The following PNLDC1 variants were observed in gnomAD, a reference collection of about 807,000 sequenced individuals.
The protein encoded by PNLDC1 is poly(A)-specific ribonuclease PNLDC1.
A neutral mutation model predicts 82.0 loss-of-function variants in PNLDC1; 70 were observed. The ratio of observed to expected loss-of-function variants is 0.85; its 90% confidence interval spans 0.70 to 1.04. The LOEUF (loss-of-function observed/expected upper bound fraction) is 1.04, where lower values mean the gene tolerates loss of function less well. PNLDC1 is among the 50% of genes least tolerant of loss of function. The probability of loss-of-function intolerance (pLI) is 0.00; values close to 1 mark genes in which losing one functional copy is unlikely to be tolerated. For missense variants in PNLDC1, 631 were observed against 661.1 expected (o/e 0.95, Z 0.50); for synonymous variants, 280 against 249.3 (o/e 1.12, Z -1.16).
intron 11 of PNLDC1, 86 bp downstream of exon 11, chr6:159,811,872 GTTTTTTTGT>G (rs1554273753): frequency 1.0e-6 from 1 of 998,990 alleles, no homozygotes; most frequent in East Asian, 2.5e-5. Context: ...TTTTTCTTGT[GTTTTTTTGT>G]TTTTTTTGTT....
intron 15 of PNLDC1, 69 bp from the exon 16 acceptor site, chr6:159,818,485 CT>C: frequency 4.3e-6 from 6 of 1,388,752 alleles, no homozygotes; most frequent in Non-Finnish European, 6.1e-6. Context: ...TCACCGGATT[CT>C]TGGCTGTGGC....
chr6:159,816,369 G>C (rs1285558793), intron 13 of PNLDC1, among the ~76,000 whole-genome samples, 174 bp from the exon 14 acceptor site: 2 of 151,040 alleles, frequency 1.3e-5, no homozygotes, highest in Non-Finnish European at 2.9e-5. Context: ...TCTGATCTTG[G>C]GGCTTTCTCC....
chr6:159,819,470 G>A lies in PNLDC1; in HGVS notation c.1532+118G>A. On this transcript the variant is annotated intron_variant, in intron 18 of 18. Transcript: ENST00000392167. The surrounding 1 kb of genome is among the most constrained non-coding windows in gnomAD (Gnocchi z 4.6). ...ACTTGCTGGTGTGTGTTGCCAAGGG[G>A]GTTGTGTTGACGAGTGTGGTGCCCT... 1.1e-6 allele frequency: 1 copy of A among 890,216 alleles called. No homozygotes were observed. 55.1% of individuals were successfully genotyped at this position (890,216 alleles called of 1,614,324 possible).
intron 15 of PNLDC1, 77 bp downstream of exon 15, chr6:159,817,228 T>G: frequency 1.6e-6 from 2 of 1,289,140 alleles, no homozygotes. Context: ...AGCCAACACC[T>G]CTCCAGTCCC....
At chr6:159,811,828 A>T (rs1781655137) in intron 11 of PNLDC1, 42 bp downstream of exon 11, 1 of 1,392,044 alleles carries the variant, frequency 7.2e-7, no homozygotes. Flanking sequence ...TGCTTTTTCC[A>T]TACCAGTAAC....
At chr6:159,820,089 A>G (rs1007610395) in intron 18 of PNLDC1, among the ~76,000 whole-genome samples, 1 of 152,160 alleles carries the variant, frequency 6.6e-6, no homozygotes, top group Non-Finnish European at 1.5e-5. Flanking sequence ...GGAGTCAGCG[A>G]CAGACCAGAG....
At chr6:159,820,374 AAGG>A in intron 18 of PNLDC1, 77 bp from the exon 19 acceptor site, 1 of 1,351,488 alleles carries the variant, frequency 7.4e-7, no homozygotes, top group African/African-American at 1.4e-5. Flanking sequence ...CGGGGCTGGG[AAGG>A]AGGAGGGGCA....
chr6:159,809,353 C>A (rs1426777574), intron 9 of PNLDC1, among the ~76,000 whole-genome samples, 195 bp downstream of exon 9: 2 of 152,088 alleles, frequency 1.3e-5, no homozygotes, highest in African/African-American at 4.8e-5. Context: ...GGCATGAACA[C>A]GGTTCACTGC....
rs1554273348 is a variant in PNLDC1, at chr6:159,809,099, A to G, written c.724A>G (p.Ile242Val). Residue 242 changes from isoleucine to valine, a missense_variant, in exon 9 of 19, where the codon ATT becomes GTT. Transcript: ENST00000392167. Reference protein sequence around the residue: ...CDRESCWKENILLSARGFSVF... With the variant: ...CDRESCWKENVLLSARGFSVF... Reference sequence around the variant, plus strand: ...CCGAGAGAGCTGTTGGAAGGAAAATATTCTTCTCTCAGCAAGGGGTTTTTC... The same window carrying G: ...CCGAGAGAGCTGTTGGAAGGAAAATGTTCTTCTCTCAGCAAGGGGTTTTTC... 2.6e-5 allele frequency: 42 copies of G among 1,614,190 alleles called. 2 individuals carry two copies. In the South Asian group the frequency reaches 4.2e-4, roughly 16 times the overall value.
rs368774082 is a variant in PNLDC1 at position 159,815,862 on chromosome 6, C to T, written c.996-107C>T. The T allele has an allele frequency of 1.4e-3, 1,164 of 815,208 alleles. 19 individuals are homozygous for T. The South Asian group carries it at 0.017, about 12-fold the overall frequency. 50.5% of individuals were successfully genotyped at this position (815,208 alleles called of 1,614,324 possible). On this transcript the variant is annotated intron_variant, in intron 12 of 18. Coordinates refer to ENST00000392167, the MANE Select transcript of PNLDC1 (RefSeq NM_001271862.2). ...TTAGATTTGCACCTTAAAGATATGTCCTCAGTACATTTAAAAAATTTATAT... is the reference window on the plus strand; with the variant it reads ...TTAGATTTGCACCTTAAAGATATGTTCTCAGTACATTTAAAAAATTTATAT...
chr6:159,818,810 A>G, intron 16 of PNLDC1, 136 bp from the exon 17 acceptor site: 1 of 1,221,746 alleles, frequency 8.2e-7, no homozygotes, highest in Non-Finnish European at 1.1e-6. Flanking sequence ...CACTAAAGCC[A>G]ACATGGACTC....
rs1473926875 is a variant in PNLDC1, at chr6:159,803,134, C to T, written c.209-137C>T. ...TTCCAGTCTGTCTTTTCTTTTTTGTCATTAAAGATGTTATCCTGTTGTACA... is the reference window on the plus strand; with the variant it reads ...TTCCAGTCTGTCTTTTCTTTTTTGTTATTAAAGATGTTATCCTGTTGTACA... On this transcript the variant is annotated intron_variant, in intron 3 of 18. Coordinates refer to ENST00000392167, the MANE Select transcript of PNLDC1 (RefSeq NM_001271862.2). 8 of 631,632 alleles carry T rather than the reference C, an allele frequency of 1.3e-5. No individual in the cohort carries two copies. The Admixed American group carries it at 1.9e-4, about 15-fold the overall frequency. 39.1% of individuals were successfully genotyped at this position (631,632 alleles called of 1,614,324 possible). A position where few individuals can be genotyped will look rare whatever the true frequency, so the allele number is the denominator to read the frequency against.
Position 159,800,329 on chromosome 6 carries a change from T to A in PNLDC1, c.22T>A (p.Phe8Ile). The A allele has an allele frequency of 6.5e-7, 1 of 1,547,514 alleles. No individual in the cohort carries two copies. Among genetic ancestry groups the A allele is most frequent in the African/African-American group, 1.4e-5 (1 of 73,040 alleles). MDVGADE[F>I]EESLPLLQEL... The stretch of plus-strand genomic sequence containing the variant: ...GGCCATGGACGTGGGCGCCGACGAG[T>A]TCGAGGAGAGCCTCCCTCTGCTGCA... Residue 8 changes from phenylalanine to isoleucine, a missense_variant, in exon 1 of 19, where the codon TTC (phenylalanine) becomes ATC (isoleucine). Physicochemically the swap from Phe to Ile is conservative, Grantham distance 21 (BLOSUM62 0). Coordinates refer to ENST00000392167, the MANE Select transcript of PNLDC1 (RefSeq NM_001271862.2).
chr6:159,816,580 C>T lies in PNLDC1; in HGVS notation c.1098C>T (p.Ala366=), dbSNP rs1483554049. Reference sequence around the variant, plus strand: ...GCCCCCACGAAGCCGCGTATGATGCCTTCCTCTGTGGGTCAGGTAAGGATT... The same window carrying T: ...GCCCCCACGAAGCCGCGTATGATGCTTTCCTCTGTGGGTCAGGTAAGGATT... ...TKCPHEAAYD[A]FLCGSVLLKV... is the part of the protein sequence containing the mutation. The change falls in exon 14 of 19, where the codon GCC becomes GCT. Residue 366 remains alanine (A), a synonymous_variant. Transcript: ENST00000392167. The T allele has an allele frequency of 1.2e-6, 2 of 1,613,622 alleles. No individual in the cohort carries two copies. The highest frequency in any genetic ancestry group is 1.7e-6 in the Non-Finnish European group (2 of 1,179,860).
intron 16 of PNLDC1, 35 bp downstream of exon 16, chr6:159,818,689 C>T: frequency 6.3e-7 from 1 of 1,575,006 alleles, no homozygotes; most frequent in Non-Finnish European, 8.7e-7. Context: ...TCGCCCCATT[C>T]AGAGTTCAGA....
chr6:159,806,072 C>T lies in PNLDC1; in HGVS notation c.551C>T (p.Pro184Leu). 6.2e-7 allele frequency: 1 copy of T among 1,613,714 alleles called. No individual in the cohort carries two copies. Residue 184 changes from proline (P) to leucine (L), a missense_variant, in exon 7 of 19, where the codon CCT (proline) becomes CTT (leucine). Pro to Leu is a moderately conservative substitution (Grantham distance 98, BLOSUM62 -3). Transcript: ENST00000392167. ...AAGGAAGGCGACTGGATGACTCTTC[C>T]TGGGATCACTGGTAGGCAGGGCCTG... ...LAKEGDWMTLPGITGFQAFEV... is the reference protein window; with the variant it reads ...LAKEGDWMTLLGITGFQAFEV...
Position 159,818,541 on chromosome 6 carries a change from T to G in PNLDC1, c.1158-14T>G, listed in dbSNP as rs1722087032. The G allele has an allele frequency of 6.2e-7, 1 of 1,611,966 alleles. No homozygotes were observed. The highest frequency in any genetic ancestry group is 8.5e-7 in the Non-Finnish European group (1 of 1,178,798). ...CTGTGCGCCCGACAGCTTTGGGGTTTTCTGTCCTTGCAGCATCGACCCCGT... is the reference window on the plus strand; with the variant it reads ...CTGTGCGCCCGACAGCTTTGGGGTTGTCTGTCCTTGCAGCATCGACCCCGT... On this transcript the variant is annotated splice_polypyrimidine_tract_variant and intron_variant, in intron 15 of 18. Transcript: ENST00000392167.
rs1156967572 is a variant in PNLDC1, at chr6:159,818,552, C to T, written c.1158-3C>T. ...ACAGCTTTGGGGTTTTCTGTCCTTG[C>T]AGCATCGACCCCGTGCCCGAGTCAT... is the stretch of plus-strand genomic sequence containing the variant. On this transcript the variant is annotated splice_region_variant and splice_polypyrimidine_tract_variant and intron_variant, in intron 15 of 18. Coordinates refer to ENST00000392167, the MANE Select transcript of PNLDC1 (RefSeq NM_001271862.2). The T allele has an allele frequency of 6.2e-7, 1 of 1,613,118 alleles. No individual in the cohort carries two copies. The highest frequency in any genetic ancestry group is 1.3e-5 in the African/African-American group (1 of 74,910).
chr6:159,813,709 T>C (rs984942743), intron 12 of PNLDC1, 53 bp downstream of exon 12: 25 of 1,530,504 alleles, frequency 1.6e-5, no homozygotes, highest in Non-Finnish European at 2.3e-5. Flanking sequence ...GTGGCCTCCC[T>C]GTGCTCCGCA....
Sources: allele counts gnomAD v4.1 joint callset (sites outside exome capture counted in the v4.1 genomes callset), GRCh38; gene constraint gnomAD v4.1.1; non-coding constraint Gnocchi (gnomAD v3.1); transcripts MANE v1.5; gene names NCBI Gene and HGNC (gene_info 2026-07-23, HGNC 2026-07-21).